ALDH1A1: variants seen among roughly 807,000 people sequenced by gnomAD.
The protein encoded by ALDH1A1 is aldehyde dehydrogenase 1A1.
In ALDH1A1, 19 loss-of-function variants were observed where a neutral mutation model predicts 62.1. That is an observed-to-expected ratio of 0.31 (90% CI 0.21 to 0.45). The LOEUF (loss-of-function observed/expected upper bound fraction) is 0.45, where lower values mean the gene tolerates loss of function less well. Among genes scored for constraint, ALDH1A1 ranks in the 20% least tolerant of loss-of-function variants. The probability of loss-of-function intolerance (pLI) is 1.00; values close to 1 mark genes in which losing one functional copy is unlikely to be tolerated. For synonymous variants in ALDH1A1, 231 were observed against 215.9 expected (o/e 1.07, Z -0.61); for missense variants, 521 against 607.1 (o/e 0.86, Z 1.49).
chr9:72,938,995 G>A (rs546822553), intron 2 of ALDH1A1, among the ~76,000 whole-genome samples: 10 of 151,432 alleles, frequency 6.6e-5, no homozygotes, highest in African/African-American at 2.2e-4. Context: ...TGCCCGCCTC[G>A]GCCTCCCAAA....
In ALDH1A1 at chr9:72,926,718, C is replaced by T. The variant is rs8187927; in HGVS notation, c.504+398G>A. 2.9e-3 allele frequency among the ~76,000 whole-genome samples: 436 copies of T among 152,262 alleles called. 5 individuals carry two copies. Among genetic ancestry groups the T allele is most frequent in the South Asian group, 0.02 (98 of 4,820 alleles). ...GATGAGATGTCTCAATGAGAAAGTG[C>T]GTTGGAGAATAGTAGGCCCCACTAC... On this transcript the variant is annotated intron_variant, in intron 5 of 12. Coordinates refer to ENST00000297785, the MANE Select transcript of ALDH1A1 (RefSeq NM_000689.5).
rs1195979495 is a variant in ALDH1A1 at position 72,917,052 on chromosome 9, C to T, written c.903G>A (p.Gln301=). ...AAATCCTGGATGCGGCTATACAACA[C>T]TGGCCCTGGTGGTAGAATACCCCAT... ...AHHGVFYHQG[Q]CCIAASRIFV... Residue 301 remains glutamine, a synonymous_variant, in exon 9 of 13, where the codon CAG becomes CAA. Transcript: ENST00000297785. 2 of 1,612,934 alleles carry T rather than the reference C, an allele frequency of 1.2e-6. No homozygotes were observed. The highest frequency in any genetic ancestry group is 1.7e-6 in the Non-Finnish European group (2 of 1,179,434).
At chr9:72,939,850 T>A (rs1431387354) in intron 2 of ALDH1A1, among the ~76,000 whole-genome samples, 1 of 152,002 alleles carries the variant, frequency 6.6e-6, no homozygotes, top group Admixed American at 6.6e-5. Context: ...CTATGATCAA[T>A]CCCTTCTTAT....
intron 2 of ALDH1A1, 140 bp from the exon 3 acceptor site, chr9:72,931,159 G>C: frequency 2.4e-6 from 2 of 849,536 alleles, no homozygotes; most frequent in Non-Finnish European, 3.6e-6. Flanking sequence ...AACACATTGC[G>C]CACATTCAAC....
At chr9:72,925,423 C>T (rs1049150881) in intron 6 of ALDH1A1, 61 bp downstream of exon 6, 23 of 1,574,490 alleles carry the variant, frequency 1.5e-5, no homozygotes, top group African/African-American at 1.2e-4. Flanking sequence ...CAAATGAGGT[C>T]TTCCTATTGT....
At chr9:72,938,488 C>T (rs1830373167) in intron 2 of ALDH1A1, among the ~76,000 whole-genome samples, 2 of 152,112 alleles carry the variant, frequency 1.3e-5, no homozygotes, top group African/African-American at 4.8e-5. Context: ...GCTCTTGTCA[C>T]CCAGCTGGAC....
At position 72,951,075 on chromosome 9, in the gene ALDH1A1, G is replaced by A. The variant is rs193106610; in HGVS notation, c.66+1860C>T. On this transcript the variant is annotated intron_variant, in intron 1 of 12. Coordinates refer to ENST00000297785, the MANE Select transcript of ALDH1A1 (RefSeq NM_000689.5). ...GAACAGATTTATATAGAAGATGCACGAGAAATCAAAATTCACTGACTTGTT... is the reference window on the plus strand; with the variant it reads ...GAACAGATTTATATAGAAGATGCACAAGAAATCAAAATTCACTGACTTGTT... Among the ~76,000 whole-genome samples the A allele has an allele frequency of 1.7e-3, 254 of 151,996 alleles. 1 individual carries two copies. Among genetic ancestry groups the A allele is most frequent in the African/African-American group, 5.9e-3 (243 of 41,522 alleles).
chr9:72,920,625 G>T (rs1323156754), intron 7 of ALDH1A1, among the ~76,000 whole-genome samples: 1 of 152,226 alleles, frequency 6.6e-6, no homozygotes, highest in South Asian at 2.1e-4. Flanking sequence ...TTAGAAGTAT[G>T]AATGAGAAAG....
intron 2 of ALDH1A1, among the ~76,000 whole-genome samples, chr9:72,931,393 G>A (rs1169894168): frequency 1.3e-5 from 2 of 152,170 alleles, no homozygotes; most frequent in Non-Finnish European, 1.5e-5. Flanking sequence ...TTTTACAGAT[G>A]AAGAAACTAA....
At chr9:72,926,248 T>C (rs1830206581) in intron 5 of ALDH1A1, among the ~76,000 whole-genome samples, 1 of 152,208 alleles carries the variant, frequency 6.6e-6, no homozygotes, top group Admixed American at 6.5e-5. Flanking sequence ...CAATGACTGG[T>C]CTAGCATAGA....
At position 72,933,371 on chromosome 9, in the gene ALDH1A1, A is replaced by C. The variant is rs79638934; in HGVS notation, c.172-2352T>G. Reference sequence around the variant, plus strand: ...ATCACTATCCCAAAACATTATTATAAACCATGAAATATGTTGTGGCATGAC... The same window carrying C: ...ATCACTATCCCAAAACATTATTATACACCATGAAATATGTTGTGGCATGAC... On this transcript the variant is annotated intron_variant, in intron 2 of 12. Coordinates refer to ENST00000297785, the MANE Select transcript of ALDH1A1 (RefSeq NM_000689.5). Among the ~76,000 whole-genome samples the C allele has an allele frequency of 3.4e-3, 512 of 152,302 alleles. 4 individuals are homozygous for C. The highest frequency in any genetic ancestry group is 0.012 in the African/African-American group (485 of 41,566).
At position 72,930,995 on chromosome 9, in the gene ALDH1A1, C is replaced by T; in HGVS notation, c.196G>A (p.Ala66Thr). The T allele has an allele frequency of 3.7e-6, 6 of 1,613,990 alleles. No individual in the cohort carries two copies. Among genetic ancestry groups the T allele is most frequent in the Non-Finnish European group, 5.1e-6 (6 of 1,179,928 alleles). The change falls in exon 3 of 13, where the codon GCC becomes ACC. Residue 66 changes from alanine to threonine, a missense_variant. By Grantham distance (58) the Ala-to-Thr change is moderately conservative. Transcript: ENST00000297785. The stretch of plus-strand genomic sequence containing the variant: ...CCAATCTGAAAAGCCTGTCTTGCGG[C>T]CTTCACTGCCTTGTCAACATCCTCC... ...DKEDVDKAVKAARQAFQIGSP... is the reference protein window; with the variant it reads ...DKEDVDKAVKTARQAFQIGSP...
intron 12 of ALDH1A1, among the ~76,000 whole-genome samples, chr9:72,902,897 C>T (rs1829824453): frequency 6.6e-6 from 1 of 151,700 alleles, no homozygotes; most frequent in African/African-American, 2.4e-5. Context: ...TCGAGTGAAG[C>T]CTGAGTTGGC....
In ALDH1A1 at chr9:72,938,403, C is replaced by A. The variant is rs76926362; in HGVS notation, c.171+1745G>T. On this transcript the variant is annotated intron_variant, in intron 2 of 12. Transcript: ENST00000297785. ...TCTGAAGTTTTTTACTCTCCTCACC[C>A]AGGAGGAGAATAAAAAGTTTATTTA... Among the ~76,000 whole-genome samples, 56 of 152,216 alleles carry A rather than the reference C, an allele frequency of 3.7e-4. 1 individual carries two copies. In the East Asian group the frequency reaches 0.011, roughly 29 times the overall value.
chr9:72,946,614 G>A (rs2118580003), intron 1 of ALDH1A1, among the ~76,000 whole-genome samples: 1 of 152,066 alleles, frequency 6.6e-6, no homozygotes, highest in South Asian at 2.1e-4. Context: ...TTCTAAGTAA[G>A]GGTTTGTGAA....
At chr9:72,921,680 C>T (rs1830148412) in intron 7 of ALDH1A1, among the ~76,000 whole-genome samples, 1 of 131,500 alleles carries the variant, frequency 7.6e-6, no homozygotes, top group South Asian at 2.9e-4. Context: ...CCCCCTCCCC[C>T]GACCCCACCA....
chr9:72,911,140 G>T (rs1829980919), intron 10 of ALDH1A1, among the ~76,000 whole-genome samples: 1 of 151,634 alleles, frequency 6.6e-6, no homozygotes, highest in Non-Finnish European at 1.5e-5. Flanking sequence ...CATTATATAT[G>T]TATACAGACA....
chr9:72,907,385 T>C (rs972864265), intron 11 of ALDH1A1, among the ~76,000 whole-genome samples: 4 of 152,206 alleles, frequency 2.6e-5, no homozygotes, highest in African/African-American at 9.6e-5. Context: ...TTCTAGGATA[T>C]GTAGTAACAA....
chr9:72,911,927 A>G (rs199619658), intron 10 of ALDH1A1, 31 bp downstream of exon 10: 299 of 1,612,346 alleles, frequency 1.9e-4, no homozygotes, highest in Non-Finnish European at 2.4e-4. Context: ...ACATGGCAAC[A>G]AAAAGAACAG....
Sources: allele counts gnomAD v4.1 joint callset (sites outside exome capture counted in the v4.1 genomes callset), GRCh38; gene constraint gnomAD v4.1.1; transcripts MANE v1.5; gene names NCBI Gene and HGNC (gene_info 2026-07-23, HGNC 2026-07-21).